The following UBIAD1 variants were observed in gnomAD, a reference collection of about 807,000 sequenced individuals.
UBIAD1 encodes UbiA prenyltransferase domain containing 1, also known as ubiA prenyltransferase domain-containing protein 1.
UBIAD1 carries 12 observed loss-of-function variants against 20.1 expected under a neutral mutation model. The ratio of observed to expected loss-of-function variants is 0.60; its 90% CI spans 0.38 to 0.97. The LOEUF is 0.97. Among genes scored for constraint, UBIAD1 ranks in the 50% least tolerant of loss-of-function variants. The probability of loss-of-function intolerance (pLI) is 0.00; values close to 1 mark genes in which losing one functional copy is unlikely to be tolerated. For synonymous variants in UBIAD1, 207 were observed against 189.2 expected, an observed-to-expected ratio of 1.09 and a Z score of -0.77; for missense variants, 333 against 419.5, an observed-to-expected ratio of 0.79 and a Z score of 1.80.
At chr1:11,281,392 G>C (rs1347506663) in intron 1 of UBIAD1, among the ~76,000 whole-genome samples, 2 of 152,130 alleles carry the variant, frequency 1.3e-5, no homozygotes, top group East Asian at 3.8e-4. Flanking sequence ...CTCCCTCCCT[G>C]CAGTCAGGGA....
intron 1 of UBIAD1, among the ~76,000 whole-genome samples, chr1:11,276,928 A>G (rs958614609): frequency 6.6e-6 from 1 of 152,086 alleles, no homozygotes; most frequent in African/African-American, 2.4e-5. Context: ...GTCAGCACCC[A>G]CACCACTTCA....
At chr1:11,276,814 C>G (rs1426417746) in intron 1 of UBIAD1, among the ~76,000 whole-genome samples, 1 of 151,104 alleles carries the variant, frequency 6.6e-6, no homozygotes, top group East Asian at 1.9e-4. Flanking sequence ...ACGTGTAACA[C>G]ACATGAACAG....
chr1:11,280,404 C>G (rs1304643304), intron 1 of UBIAD1, among the ~76,000 whole-genome samples: 1 of 152,164 alleles, frequency 6.6e-6, no homozygotes, highest in Non-Finnish European at 1.5e-5. Flanking sequence ...TCCATGTACT[C>G]CCTTGGTGAT....
chr1:11,291,573 C>G (rs1454265628), downstream of UBIAD1, among the ~76,000 whole-genome samples: 1 of 147,306 alleles, frequency 6.8e-6, no homozygotes, highest in African/African-American at 2.5e-5. Flanking sequence ...TGCCACTGCA[C>G]TCCAGCCTGG....
At position 11,273,742 on chromosome 1, in the gene UBIAD1, C is replaced by G; in HGVS notation, c.211C>G (p.Leu71Val). 1 of 1,614,084 alleles carries G rather than the reference C, an allele frequency of 6.2e-7. No homozygotes were observed. Among genetic ancestry groups the G allele is most frequent in the Non-Finnish European group, 8.5e-7 (1 of 1,180,010 alleles). ...SLTPVALGSA[L>V]AYRSHGVLDP... ...CACACCGGTGGCCCTGGGCAGTGCC[C>G]TTGCCTACAGATCCCACGGTGTCCT... The change falls in exon 1 of 2, where the codon CTT (leucine) becomes GTT (valine). Residue 71 changes from leucine to valine, a missense_variant. Physicochemically the swap from Leu to Val is conservative, Grantham distance 32 (BLOSUM62 1). Transcript: ENST00000376810. This position sits in a 1 kb window ranked among gnomAD's most constrained non-coding sequence, Gnocchi z 4.9.
chr1:11,276,325 GT>G lies in UBIAD1; in HGVS notation c.529+2276del, dbSNP rs559327213. 3.7e-4 allele frequency among the ~76,000 whole-genome samples: 54 copies of G among 147,862 alleles called. No individual in the cohort carries two copies. The South Asian group carries it at 3.9e-3, about 11-fold the overall frequency. On this transcript the variant is annotated intron_variant, in intron 1 of 1. Transcript: ENST00000376810. ...CAGAGGAATTAAGCATAACTCAAAG[GT>G]TTTTTTTTTTCTTGGACACATTCCA... is the stretch of plus-strand genomic sequence containing the variant.
downstream of UBIAD1, among the ~76,000 whole-genome samples, chr1:11,298,754 T>G (rs1338449424): frequency 1.3e-5 from 2 of 152,116 alleles, no homozygotes; most frequent in Non-Finnish European, 2.9e-5. This position sits in a 1 kb window ranked among gnomAD's most constrained non-coding sequence, Gnocchi z 4.0. Flanking sequence ...GAGCGACACC[T>G]GGTAAAGCCA....
chr1:11,276,586 C>A (rs2101015365), intron 1 of UBIAD1, among the ~76,000 whole-genome samples: 1 of 151,552 alleles, frequency 6.6e-6, no homozygotes, highest in Non-Finnish European at 1.5e-5. Flanking sequence ...ATTGCTTGAG[C>A]CCAGTAGGCA....
Position 11,273,507 on chromosome 1 carries a change from T to A in UBIAD1, c.-25T>A. On this transcript the variant is annotated 5_prime_UTR_variant, in exon 1 of 2. Coordinates refer to ENST00000376810, the MANE Select transcript of UBIAD1 (RefSeq NM_013319.3). This position sits in a 1 kb window ranked among gnomAD's most constrained non-coding sequence, Gnocchi z 4.9. ...CACTGTGCGTGGCTCACTTTTAGAG[T>A]TTACTTCAACCACGTGGAGCTTCCA... 1 of 1,610,424 alleles carries A rather than the reference T, an allele frequency of 6.2e-7. No individual in the cohort carries two copies. The highest frequency in any genetic ancestry group is 8.5e-7 in the Non-Finnish European group (1 of 1,179,994).
At chr1:11,289,484 G>T (rs1309559915), downstream of UBIAD1, among the ~76,000 whole-genome samples, 1 of 152,022 alleles carries the variant, frequency 6.6e-6, no homozygotes, top group Non-Finnish European at 1.5e-5. Flanking sequence ...GAGGGGGAGA[G>T]CCATGATGTG....
chr1:11,283,256 G>A (rs1291753855), intron 1 of UBIAD1, among the ~76,000 whole-genome samples: 1 of 152,180 alleles, frequency 6.6e-6, no homozygotes, highest in Non-Finnish European at 1.5e-5. Flanking sequence ...TTCTTTCACA[G>A]CCAGACCAGT....
chr1:11,297,345 C>T (rs1239277437), downstream of UBIAD1, among the ~76,000 whole-genome samples: 1 of 152,184 alleles, frequency 6.6e-6, no homozygotes, highest in Admixed American at 6.5e-5. Context: ...AAGGCACTAT[C>T]TATGAACCAG....
chr1:11,273,531 C>T lies in UBIAD1; in HGVS notation c.-1C>T. ...GTTTACTTCAACCACGTGGAGCTTCCATGGCGGCCTCTCAGGTCCTGGGGG... is the reference window on the plus strand; with the variant it reads ...GTTTACTTCAACCACGTGGAGCTTCTATGGCGGCCTCTCAGGTCCTGGGGG... On this transcript the variant is annotated 5_prime_UTR_variant, in exon 1 of 2. Coordinates refer to ENST00000376810, the MANE Select transcript of UBIAD1 (RefSeq NM_013319.3). This position sits in a 1 kb window ranked among gnomAD's most constrained non-coding sequence, Gnocchi z 4.9. 1 of 1,611,914 alleles carries T rather than the reference C, an allele frequency of 6.2e-7. No individual in the cohort carries two copies. The highest frequency in any genetic ancestry group is 1.1e-5 in the South Asian group (1 of 91,020).
chr1:11,295,005 A>C, exon 2 of UBIAD1: 2 of 713,462 alleles, frequency 2.8e-6, no homozygotes, highest in South Asian at 3.0e-5. Flanking sequence ...AGGAGAGGGA[A>C]GTGAGCCCCT....
chr1:11,285,579 T>A lies in UBIAD1; in HGVS notation c.530-65T>A. On this transcript the variant is annotated intron_variant, in intron 1 of 1. Transcript: ENST00000376810. This position sits in a 1 kb window ranked among gnomAD's most constrained non-coding sequence, Gnocchi z 4.4. ...AGCCGGAAGTGGCCTGCCTCTTCAC[T>A]GGTGAACAGTCCCTAAATTTCCAGC... 6.2e-7 allele frequency: 1 copy of A among 1,611,756 alleles called. No homozygotes were observed. Among genetic ancestry groups the A allele is most frequent in the Non-Finnish European group, 8.5e-7 (1 of 1,179,806 alleles).
intron 1 of UBIAD1, among the ~76,000 whole-genome samples, chr1:11,277,796 C>T (rs1652102541): frequency 6.6e-6 from 1 of 152,026 alleles, no homozygotes; most frequent in Non-Finnish European, 1.5e-5. Flanking sequence ...AGGCATGGGC[C>T]ACCACGCCCT....
chr1:11,274,179 G>T, intron 1 of UBIAD1, 119 bp downstream of exon 1: 3 of 1,271,654 alleles, frequency 2.4e-6, no homozygotes, highest in South Asian at 1.3e-5. Context: ...CGCTTTAATT[G>T]AAGTCTATAA....
At position 11,274,013 on chromosome 1, in the gene UBIAD1, C is replaced by T; in HGVS notation, c.482C>T (p.Ala161Val). 6.2e-7 allele frequency: 1 copy of T among 1,614,146 alleles called. No homozygotes were observed. The highest frequency in any genetic ancestry group is 8.5e-7 in the Non-Finnish European group (1 of 1,180,034). The change falls in exon 1 of 2, where the codon GCT becomes GTT. Residue 161 changes from alanine to valine, a missense_variant. Ala to Val is a moderately conservative substitution (Grantham distance 64, BLOSUM62 0). Around this residue, in one of 3 missense-constraint regions of UBIAD1, gnomAD observed 226 missense variants for 263.5 expected, o/e 0.86. Transcript: ENST00000376810. ...YLSPLKLEHL[A>V]LIYFGGLSGS... ...TCCCCTCTGAAACTGGAGCACTTGG[C>T]TCTTATCTACTTTGGAGGCCTGTCT...
In UBIAD1 at chr1:11,286,834, G is replaced by GA. The variant is rs1325688301; in HGVS notation, c.*707dup. ...AAAAAACCACTCTGGAGGCAACTGA[G>GA]AAAATCACTGCTTTTGGATAGGAAT... On this transcript the variant is annotated 3_prime_UTR_variant, in exon 2 of 2. Coordinates refer to ENST00000376810, the MANE Select transcript of UBIAD1 (RefSeq NM_013319.3). The GA allele has an allele frequency of 6.5e-6, 1 of 153,554 alleles. No individual in the cohort carries two copies. Among genetic ancestry groups the GA allele is most frequent in the Non-Finnish European group, 1.4e-5 (1 of 69,054 alleles). The allele number at this position is 153,554 out of a possible 1,614,324, so 9.5% of individuals were successfully genotyped here.
Sources: gnomAD v4.1 joint callset for allele counts (sites outside exome capture counted in the v4.1 genomes callset) on GRCh38, gnomAD v4.1.1 for gene constraint, gnomAD v4.1.1 regional missense constraint, Gnocchi (gnomAD v3.1) non-coding constraint, MANE v1.5 for transcripts, NCBI Gene and HGNC (gene_info 2026-07-23, HGNC 2026-07-21) for gene names.